The following PFKFB1 variants were observed in gnomAD, a reference collection of about 807,000 sequenced individuals.
PFKFB1 encodes the protein 6-phosphofructo-2-kinase/fructose-2,6-bisphosphatase 1.
Under a neutral mutation model 46.4 loss-of-function variants are expected in PFKFB1, and 34 were observed. The observed-to-expected ratio is 0.73, with a 90% CI of 0.56 to 0.98. The LOEUF is 0.98. PFKFB1 is among the 50% of genes least tolerant of loss of function. The probability of loss-of-function intolerance (pLI) is 0.00; values close to 1 mark genes in which losing one functional copy is unlikely to be tolerated. For missense variants in PFKFB1, 393 were observed against 376.3 expected (o/e 1.04, Z -0.37); for synonymous variants, 119 against 133.8 (o/e 0.89, Z 0.76).
Position 54,934,958 on chromosome X carries a change from G to A in PFKFB1, c.1280C>T (p.Pro427Leu). Reference sequence around the variant, plus strand: ...GTGGGAGTACTTACCATAAGCCACAGGAGTGAGTTTGAGCACTGTGTGCAG... The same window carrying A: ...GTGGGAGTACTTACCATAAGCCACAAGAGTGAGTTTGAGCACTGTGTGCAG... ...CPLHTVLKLT[P>L]VAYGCKVESI... The change falls in exon 12 of 14, where the codon CCT (proline) becomes CTT (leucine). Residue 427 changes from proline to leucine, a missense_variant. Pro to Leu is a moderately conservative substitution (Grantham distance 98). Coordinates refer to ENST00000375006, the MANE Select transcript of PFKFB1 (RefSeq NM_002625.4). The A allele has an allele frequency of 8.3e-7, 1 of 1,205,368 alleles. No individual in the cohort carries two copies.
chrX:54,971,656 G>A (rs1402260878), intron 1 of PFKFB1, among the ~76,000 whole-genome samples: 57 of 111,567 alleles, frequency 5.1e-4, no homozygotes, highest in African/African-American at 1.6e-3. Flanking sequence ...GTAGATATGC[G>A]GCATTATTTC....
At chrX:54,980,599 C>T (rs1444069593) in intron 1 of PFKFB1, among the ~76,000 whole-genome samples, 1 of 109,490 alleles carries the variant, frequency 9.1e-6, no homozygotes, top group Non-Finnish European at 1.9e-5. Context: ...TTGGCTCAAT[C>T]GTGGAGGGAA....
rs558996002 is a variant in PFKFB1, at chrX:54,970,136, T to C, written c.98-6754A>G. 1.8e-4 allele frequency among the ~76,000 whole-genome samples: 20 copies of C among 110,792 alleles called. 1 individual carries two copies. In the South Asian group the frequency reaches 7.3e-3, roughly 41 times the overall value. On this transcript the variant is annotated intron_variant, in intron 1 of 13. Transcript: ENST00000375006. ...GTTGGCCAGGCTGGTCTCGAACTCT[T>C]GGCCTCAAGTGATCTGCCCACCTCA...
intron 7 of PFKFB1, among the ~76,000 whole-genome samples, chrX:54,953,452 C>A (rs1375989484): frequency 1.8e-5 from 2 of 111,467 alleles, no homozygotes; most frequent in Admixed American, 9.5e-5. Flanking sequence ...AACTTTTAAG[C>A]GCATGAATCC....
intron 1 of PFKFB1, among the ~76,000 whole-genome samples, chrX:54,979,916 T>C (rs1934932102): frequency 8.9e-6 from 1 of 111,924 alleles, no homozygotes; most frequent in Admixed American, 9.4e-5. Context: ...AAGCCAGCTG[T>C]CATGTTGTGA....
intron 11 of PFKFB1, among the ~76,000 whole-genome samples, chrX:54,937,013 C>T (rs1933423791): frequency 9.0e-6 from 1 of 110,760 alleles, no homozygotes; most frequent in Non-Finnish European, 1.9e-5. Context: ...GCAGTTCAGC[C>T]TATGCAGTCA....
At chrX:54,968,859 T>C (rs764795065) in intron 1 of PFKFB1, among the ~76,000 whole-genome samples, 9 of 110,910 alleles carry the variant, frequency 8.1e-5, no homozygotes, top group Non-Finnish European at 1.5e-4. Flanking sequence ...GGAAAATACA[T>C]ATCAACTTAC....
At chrX:54,935,518 C>G (rs1193211770) in intron 11 of PFKFB1, among the ~76,000 whole-genome samples, 3 of 112,546 alleles carry the variant, frequency 2.7e-5, no homozygotes, top group African/African-American at 9.7e-5. Flanking sequence ...TCACTTGTTT[C>G]CAGTTATTGA....
chrX:54,954,595 C>G (rs1298024339), intron 7 of PFKFB1, among the ~76,000 whole-genome samples: 1 of 111,811 alleles, frequency 8.9e-6, no homozygotes, highest in Non-Finnish European at 1.9e-5. Flanking sequence ...TGCTGGTAAC[C>G]TCAGTGTAGT....
intron 7 of PFKFB1, among the ~76,000 whole-genome samples, chrX:54,954,114 A>G (rs1296405447): frequency 8.9e-6 from 1 of 112,101 alleles, no homozygotes; most frequent in Non-Finnish European, 1.9e-5. Context: ...TATTTAAAAT[A>G]AAAATTATAA....
At chrX:54,974,378 G>T (rs1268860728) in intron 1 of PFKFB1, among the ~76,000 whole-genome samples, 1 of 111,335 alleles carries the variant, frequency 9.0e-6, no homozygotes. Context: ...AATTAATGAT[G>T]CTGGGATAAT....
chrX:54,979,502 A>G (rs746336500), intron 1 of PFKFB1, among the ~76,000 whole-genome samples: 7 of 111,952 alleles, frequency 6.3e-5, no homozygotes, highest in Admixed American at 1.9e-4. Context: ...AAAACACCTA[A>G]AAATAATGGA....
At chrX:54,934,918 T>C (rs1278525622) in intron 12 of PFKFB1, 29 bp downstream of exon 12, 2 of 1,144,159 alleles carry the variant, frequency 1.7e-6, no homozygotes, top group Non-Finnish European at 1.2e-6. Context: ...TCTATATGCC[T>C]GTCCTTTGAT....
chrX:54,941,353 A>C (rs1411597515), intron 10 of PFKFB1, among the ~76,000 whole-genome samples: 1 of 112,153 alleles, frequency 8.9e-6, no homozygotes, highest in Non-Finnish European at 1.9e-5. Context: ...TGTCTAAAAC[A>C]CCAAAAGCAA....
intron 1 of PFKFB1, among the ~76,000 whole-genome samples, chrX:54,973,389 A>G (rs927796957): frequency 4.5e-5 from 5 of 110,372 alleles, no homozygotes; most frequent in African/African-American, 1.7e-4. Flanking sequence ...CTAGCTTTTG[A>G]ATGTGTTTGC....
intron 1 of PFKFB1, among the ~76,000 whole-genome samples, chrX:54,972,853 C>A (rs985051368): frequency 1.8e-5 from 2 of 111,476 alleles, no homozygotes; most frequent in African/African-American, 6.5e-5. Context: ...CTCGTCTCAT[C>A]AAATGAGTTA....
chrX:54,969,510 T>G (rs1934578748), intron 1 of PFKFB1, among the ~76,000 whole-genome samples: 1 of 112,005 alleles, frequency 8.9e-6, no homozygotes, highest in Non-Finnish European at 1.9e-5. Flanking sequence ...GTCTGTGGTA[T>G]TCTGTTTTAG....
At chrX:54,960,430 G>A (rs1011939558) in intron 3 of PFKFB1, among the ~76,000 whole-genome samples, 1 of 112,575 alleles carries the variant, frequency 8.9e-6, no homozygotes, top group African/African-American at 3.2e-5. Context: ...AGGTTGAACT[G>A]ATGAGACTAC....
At chrX:54,933,913 T>C (rs747075345) in intron 12 of PFKFB1, 28 bp from the exon 13 acceptor site, 4 of 1,160,242 alleles carry the variant, frequency 3.4e-6, no homozygotes, top group Admixed American at 4.4e-5. Context: ...CATCTGTCCA[T>C]AGGCCCCCAA....
Sources: gnomAD v4.1 joint callset for allele counts (sites outside exome capture counted in the v4.1 genomes callset) on GRCh38, gnomAD v4.1.1 for gene constraint, MANE v1.5 for transcripts, NCBI Gene and HGNC (gene_info 2026-07-23, HGNC 2026-07-21) for gene names.